The following DIP2C variants were observed in gnomAD, a reference collection of about 807,000 sequenced individuals.
DIP2C encodes DIP2 acetate--CoA ligase C (putative).
In DIP2C, 33 loss-of-function variants were observed where a neutral mutation model predicts 192.4. The observed-to-expected ratio is 0.17, with a 90% confidence interval of 0.13 to 0.23. DIP2C has a LOEUF of 0.23. DIP2C is among the 10% of genes least tolerant of loss of function. The probability of loss-of-function intolerance (pLI) is 1.00; values close to 1 mark genes in which losing one functional copy is unlikely to be tolerated. For missense variants in DIP2C, 1,537 were observed against 2,110.1 expected (o/e 0.73, Z 5.32); for synonymous variants, 979 against 864.1 (o/e 1.13, Z -2.33).
At chr10:398,540 G>A (rs996169664) in intron 10 of DIP2C, among the ~76,000 whole-genome samples, 1 of 152,168 alleles carries the variant, frequency 6.6e-6, no homozygotes, top group African/African-American at 2.4e-5. Context: ...CTGGGCACAC[G>A]TTCTCAGGAC....
chr10:495,075 A>G lies in DIP2C; in HGVS notation c.86-8545T>C, dbSNP rs553829550. On this transcript the variant is annotated intron_variant, in intron 1 of 36. Transcript: ENST00000280886. ...ACGAACTAAATTCTGCCACTTACAA[A>G]AACATGGATAAACCTGGAAGATATT... is the stretch of plus-strand genomic sequence containing the variant. Among the ~76,000 whole-genome samples the G allele has an allele frequency of 5.3e-4, 80 of 152,376 alleles. 1 individual carries two copies. Among genetic ancestry groups the G allele is most frequent in the South Asian group, 5.0e-3 (24 of 4,828 alleles).
chr10:531,556 C>T (rs1588402031), intron 1 of DIP2C, among the ~76,000 whole-genome samples: 1 of 152,212 alleles, frequency 6.6e-6, no homozygotes, highest in Non-Finnish European at 1.5e-5. Flanking sequence ...CAGGGCCCCC[C>T]AGTCTGACGG....
At position 362,478 on chromosome 10, in the gene DIP2C, T is replaced by G. The variant is rs768490440; in HGVS notation, c.2794+12A>C. On this transcript the variant is annotated intron_variant, in intron 22 of 36. Coordinates refer to ENST00000280886, the MANE Select transcript of DIP2C (RefSeq NM_014974.3). ...TCCCGCACCTCACAAGCTGCCCAAG[T>G]GGTGCACATACCTGGCTGCTTCTGT... 4 of 1,612,504 alleles carry G rather than the reference T, an allele frequency of 2.5e-6. No individual in the cohort carries two copies. The South Asian group carries it at 4.4e-5, about 18-fold the overall frequency.
chr10:367,232 A>G (rs898300044), intron 18 of DIP2C, among the ~76,000 whole-genome samples: 1 of 152,160 alleles, frequency 6.6e-6, no homozygotes, highest in African/African-American at 2.4e-5. Context: ...CCTGGCTAAC[A>G]TGGTGAAACC....
chr10:286,254 C>T lies in DIP2C; in HGVS notation c.4119+19G>A, dbSNP rs752630905. On this transcript the variant is annotated intron_variant, in intron 34 of 36. Coordinates refer to ENST00000280886, the MANE Select transcript of DIP2C (RefSeq NM_014974.3). The stretch of plus-strand genomic sequence containing the variant: ...CATAACAGAAAAGTAACCTGGATCT[C>T]GGAGGACACTCAACTCACCTCTCCA... The T allele has an allele frequency of 3.3e-5, 54 of 1,613,100 alleles. 1 individual carries two copies. The highest frequency in any genetic ancestry group is 5.3e-5 in the African/African-American group (4 of 74,864).
chr10:608,007 G>C (rs1251337), intron 1 of DIP2C, among the ~76,000 whole-genome samples: 127,875 of 151,394 alleles, frequency 0.84, 55,647 homozygotes, highest in South Asian at 0.95. Flanking sequence ...GAGTCCGCAG[G>C]TGCGGTCAAG....
chr10:556,825 G>C (rs1459784107), intron 1 of DIP2C, among the ~76,000 whole-genome samples: 1 of 152,222 alleles, frequency 6.6e-6, no homozygotes, highest in Non-Finnish European at 1.5e-5. Context: ...GTCACAGAGA[G>C]GAACATGCTG....
chr10:349,557 A>G (rs1958691661), intron 24 of DIP2C, 103 bp from the exon 25 acceptor site: 1 of 1,464,232 alleles, frequency 6.8e-7, no homozygotes. Context: ...AGCATACATC[A>G]CTGGTTTTTA....
intron 1 of DIP2C, among the ~76,000 whole-genome samples, chr10:548,505 A>G (rs1314206334): frequency 2.3e-5 from 3 of 133,124 alleles, no homozygotes; most frequent in South Asian, 5.1e-4. Flanking sequence ...TGATGTGGCC[A>G]GGAGGGAGGG....
intron 17 of DIP2C, 151 bp from the exon 18 acceptor site, chr10:369,784 A>T (rs1339341680): frequency 1.4e-6 from 2 of 1,405,610 alleles, no homozygotes; most frequent in Non-Finnish European, 2.0e-6. Context: ...TGGCTGCATT[A>T]GGGGATGCTC....
At chr10:414,225 C>G in intron 7 of DIP2C, 115 bp from the exon 8 acceptor site, 1 of 1,249,138 alleles carries the variant, frequency 8.0e-7, no homozygotes. Context: ...CATTTATTAG[C>G]TGACAGAAAA....
intron 1 of DIP2C, among the ~76,000 whole-genome samples, chr10:628,220 T>C (rs1036531556): frequency 1.3e-5 from 2 of 152,218 alleles, no homozygotes; most frequent in African/African-American, 4.8e-5. Flanking sequence ...CCTCTCAGGC[T>C]GAGATAACGT....
rs1315768594 is a variant in DIP2C, at chr10:651,189, C to T, written c.85+38305G>A. 1.4e-6 allele frequency: 1 copy of T among 717,370 alleles called. No individual in the cohort carries two copies. The highest frequency in any genetic ancestry group is 1.7e-5 in the African/African-American group (1 of 57,260). The allele number at this position is 717,370 out of a possible 1,614,324, so 44.4% of individuals were successfully genotyped here. A position where few individuals can be genotyped will look rare whatever the true frequency, so the allele number is the denominator to read the frequency against. On this transcript the variant is annotated intron_variant, in intron 1 of 36. Transcript: ENST00000280886. The surrounding 1 kb of genome is among the most constrained non-coding windows in gnomAD (Gnocchi z 4.1). ...GCCCAGGTCTGGGACCACCGTCCTC[C>T]ACGCATATCTACAGACCCTGTCCTC...
At chr10:359,891 G>A (rs1485662972) in intron 22 of DIP2C, among the ~76,000 whole-genome samples, 1 of 152,188 alleles carries the variant, frequency 6.6e-6, no homozygotes. Context: ...GCATTGCTGG[G>A]ACCACAGGCG....
At chr10:543,268 G>A (rs761155562) in intron 1 of DIP2C, among the ~76,000 whole-genome samples, 2 of 152,230 alleles carry the variant, frequency 1.3e-5, no homozygotes, top group Non-Finnish European at 2.9e-5. Context: ...CCAGCTTTGT[G>A]CGCATTTCCG....
intron 1 of DIP2C, among the ~76,000 whole-genome samples, chr10:600,924 ACAGAAACCACATCTTCCCAGGTGTG>A (rs1286199112): frequency 9.9e-5 from 15 of 152,188 alleles, no homozygotes; most frequent in African/African-American, 3.6e-4. Context: ...AAAGCTTGTT[ACAGAAACCACATCTTCCCAGGTGTG>A]GCTCTGTGGT....
intron 1 of DIP2C, among the ~76,000 whole-genome samples, chr10:581,056 G>C (rs916754616): frequency 9.2e-5 from 14 of 152,154 alleles, no homozygotes. Context: ...AATGTCCCAG[G>C]GTGAGGGCAA....
chr10:547,328 G>A (rs989396201), intron 1 of DIP2C, among the ~76,000 whole-genome samples: 2 of 152,190 alleles, frequency 1.3e-5, no homozygotes, highest in Admixed American at 6.5e-5. Flanking sequence ...AGCCCTCCCA[G>A]GCCCAGCGAG....
chr10:592,147 T>TAA lies in DIP2C; in HGVS notation c.85+97346_85+97347insTT, dbSNP rs1286020959. On this transcript the variant is annotated intron_variant, in intron 1 of 36. Coordinates refer to ENST00000280886, the MANE Select transcript of DIP2C (RefSeq NM_014974.3). ...TCTCACATTTCTGTATAATTGATATTTCTGCTAATTAGGAAGCATATTAAT... is the reference window on the plus strand; with the variant it reads ...TCTCACATTTCTGTATAATTGATATTAATCTGCTAATTAGGAAGCATATTAAT... Among the ~76,000 whole-genome samples, 6 of 152,226 alleles carry TAA rather than the reference T, an allele frequency of 3.9e-5. No homozygotes were observed. The East Asian group carries it at 5.8e-4, about 15-fold the overall frequency.
Sources: allele counts gnomAD v4.1 joint callset (sites outside exome capture counted in the v4.1 genomes callset), GRCh38; gene constraint gnomAD v4.1.1; non-coding constraint Gnocchi (gnomAD v3.1); transcripts MANE v1.5; gene names NCBI Gene and HGNC (gene_info 2026-07-23, HGNC 2026-07-21).